The following ASIC2 variants were observed in gnomAD, a reference collection of about 807,000 sequenced individuals.
The protein encoded by ASIC2 is acid sensing ion channel subunit 2, also known as acid-sensing ion channel 2.
Under a neutral mutation model 57.3 loss-of-function variants are expected in ASIC2, and 25 were observed. The ratio of observed to expected loss-of-function variants is 0.44; its 90% CI spans 0.32 to 0.61. ASIC2 has a LOEUF of 0.61. Ranked by LOEUF, ASIC2 falls within the 20% of genes least tolerant of loss-of-function variation. ASIC2 has a pLI of 0.06. For synonymous variants in ASIC2, 319 were observed against 307.5 expected (o/e 1.04, Z -0.39); for missense variants, 641 against 738.1 (o/e 0.87, Z 1.52).
intron 1 of ASIC2, among the ~76,000 whole-genome samples, chr17:33,169,208 C>G (rs984977941): frequency 2.0e-5 from 3 of 152,144 alleles, no homozygotes; most frequent in African/African-American, 7.2e-5. Flanking sequence ...TTGGTAGTGT[C>G]CATACGGTGT....
intron 1 of ASIC2, among the ~76,000 whole-genome samples, chr17:33,994,961 A>G (rs964207733): frequency 1.3e-5 from 2 of 152,190 alleles, no homozygotes; most frequent in African/African-American, 4.8e-5. Flanking sequence ...TATGATTTCA[A>G]CTTTTCACAT....
chr17:34,131,781 G>T (rs1015352580), intron 1 of ASIC2, among the ~76,000 whole-genome samples: 1 of 152,156 alleles, frequency 6.6e-6, no homozygotes, highest in African/African-American at 2.4e-5. Flanking sequence ...GGCCATTGCC[G>T]AGGCCCCCTG....
At chr17:33,206,586 G>A (rs1442674403) in intron 1 of ASIC2, among the ~76,000 whole-genome samples, 1 of 152,148 alleles carries the variant, frequency 6.6e-6, no homozygotes, top group African/African-American at 2.4e-5. Flanking sequence ...GACTCTGCTT[G>A]GATGGGGCTG....
intron 1 of ASIC2, among the ~76,000 whole-genome samples, chr17:33,868,051 T>C (rs1914288933): frequency 1.3e-5 from 2 of 152,198 alleles, no homozygotes; most frequent in Admixed American, 6.5e-5. Context: ...AGCCATTTGA[T>C]CTTAGCAAGA....
intron 1 of ASIC2, among the ~76,000 whole-genome samples, chr17:33,785,974 T>C (rs1911589672): frequency 6.6e-6 from 1 of 152,236 alleles, no homozygotes; most frequent in Admixed American, 6.5e-5. Flanking sequence ...TAAGTGCTGC[T>C]GCAATGTCAT....
chr17:33,613,873 G>A (rs1905506340), intron 1 of ASIC2, among the ~76,000 whole-genome samples: 1 of 151,984 alleles, frequency 6.6e-6, no homozygotes, highest in East Asian at 1.9e-4. Flanking sequence ...CCCTACTGAG[G>A]GACTCTTTGC....
intron 1 of ASIC2, among the ~76,000 whole-genome samples, chr17:33,241,470 G>A (rs1908505719): frequency 6.6e-6 from 1 of 152,228 alleles, no homozygotes; most frequent in Non-Finnish European, 1.5e-5. Context: ...ATGATTGCAG[G>A]GGGAGTCCAC....
In ASIC2 at chr17:33,650,567, A is replaced by T. The variant is rs528310503; in HGVS notation, c.555+505411T>A. 9.9e-4 allele frequency among the ~76,000 whole-genome samples: 151 copies of T among 152,358 alleles called. 1 individual carries two copies. The highest frequency in any genetic ancestry group is 3.6e-3 in the African/African-American group (149 of 41,578). On this transcript the variant is annotated intron_variant, in intron 1 of 9. Transcript: ENST00000359872. ...CTTTATTCGTAATAGCGAAAACCTG[A>T]AACAACTCAGATGTCCTAGAATGGA...
chr17:33,651,660 C>T (rs560372830), intron 1 of ASIC2, among the ~76,000 whole-genome samples: 34 of 152,314 alleles, frequency 2.2e-4, no homozygotes, highest in African/African-American at 6.5e-4. Flanking sequence ...ACTTCTGCAC[C>T]GTATGGCAAG....
chr17:34,027,061 G>A (rs1023641558), intron 1 of ASIC2, among the ~76,000 whole-genome samples: 24 of 152,284 alleles, frequency 1.6e-4, no homozygotes, highest in African/African-American at 5.3e-4. Flanking sequence ...ACACTCCAAT[G>A]AAATATTAGT....
intron 1 of ASIC2, among the ~76,000 whole-genome samples, chr17:33,472,472 G>A (rs1913087746): frequency 6.6e-6 from 1 of 152,190 alleles, no homozygotes; most frequent in African/African-American, 2.4e-5. Context: ...TGAGAGGTGA[G>A]TTTTGCAATT....
chr17:34,074,486 T>C (rs887681300), intron 1 of ASIC2, among the ~76,000 whole-genome samples: 6 of 152,192 alleles, frequency 3.9e-5, no homozygotes, highest in African/African-American at 9.6e-5. Flanking sequence ...AGGAGGTCTG[T>C]CTTTACAAGT....
chr17:33,193,198 AC>A (rs1408111335), intron 1 of ASIC2, among the ~76,000 whole-genome samples: 2 of 152,256 alleles, frequency 1.3e-5, no homozygotes, highest in African/African-American at 4.8e-5. Context: ...CTTTGTTAAC[AC>A]ATGATAAGTG....
intron 1 of ASIC2, among the ~76,000 whole-genome samples, chr17:33,522,770 T>G (rs1914779552): frequency 6.6e-6 from 1 of 152,202 alleles, no homozygotes; most frequent in Admixed American, 6.5e-5. Flanking sequence ...TGCGGTGCCA[T>G]GAATTCCCAC....
At chr17:33,451,049 G>A (rs1019368940) in intron 1 of ASIC2, among the ~76,000 whole-genome samples, 13 of 132,944 alleles carry the variant, frequency 9.8e-5, no homozygotes, top group African/African-American at 3.5e-4. Context: ...TTTGTCAGAG[G>A]CGTACATGTA....
At chr17:33,477,292 G>T (rs1421230097) in intron 1 of ASIC2, among the ~76,000 whole-genome samples, 3 of 151,926 alleles carry the variant, frequency 2.0e-5, no homozygotes, top group African/African-American at 7.3e-5. Context: ...ATCCCTATTA[G>T]AACTTCATTT....
At chr17:33,197,864 A>C (rs1906699125) in intron 1 of ASIC2, among the ~76,000 whole-genome samples, 2 of 152,180 alleles carry the variant, frequency 1.3e-5, no homozygotes, top group Non-Finnish European at 1.5e-5. Context: ...GCAGAATGAT[A>C]GAATGTATTT....
intron 1 of ASIC2, among the ~76,000 whole-genome samples, chr17:33,203,512 C>T (rs1906955873): frequency 6.6e-6 from 1 of 152,178 alleles, no homozygotes; most frequent in Non-Finnish European, 1.5e-5. Context: ...GGAACTTCCT[C>T]CAGCACTTCT....
At chr17:33,906,011 A>ATTTTT (rs72050716) in intron 1 of ASIC2, among the ~76,000 whole-genome samples, 2 of 132,532 alleles carry the variant, frequency 1.5e-5, no homozygotes, top group Non-Finnish European at 1.6e-5. Flanking sequence ...TTTTAATTAA[A>ATTTTT]TTTTTTTTTT....
Sources: allele counts gnomAD v4.1 joint callset (sites outside exome capture counted in the v4.1 genomes callset), GRCh38; gene constraint gnomAD v4.1.1; transcripts MANE v1.5; gene names NCBI Gene and HGNC (gene_info 2026-07-23, HGNC 2026-07-21).